Variants in DYM observed in about 807,000 individuals in gnomAD.
DYM encodes the protein dymeclin, also known as dyggve-Melchior-Clausen syndrome protein.
In DYM, 78 loss-of-function variants were observed where a neutral mutation model predicts 93.1. The ratio of observed to expected loss-of-function variants is 0.84; its 90% CI spans 0.70 to 1.01. The LOEUF is 1.01. Among genes scored for constraint, DYM ranks in the 50% least tolerant of loss-of-function variants. The pLI is 0.00. For missense variants in DYM, 789 were observed against 845.0 expected, an observed-to-expected ratio of 0.93 and a Z score of 0.82; for synonymous variants, 321 against 319.7, an observed-to-expected ratio of 1.00 and a Z score of -0.04.
intron 1 of DYM, among the ~76,000 whole-genome samples, chr18:49,441,276 T>TTATATATATATA (rs1568454725): frequency 0.093 from 4,040 of 43,248 alleles, 332 homozygotes; most frequent in South Asian, 0.1. Flanking sequence ...ATAATATATA[T>TTATATATATATA]TATATAATTA....
At chr18:49,309,093 GACAAGAGCATA>G (rs1433877627) in intron 8 of DYM, among the ~76,000 whole-genome samples, 1 of 152,144 alleles carries the variant, frequency 6.6e-6, no homozygotes, top group East Asian at 1.9e-4. Context: ...CGCAGAGCTA[GACAAGAGCATA>G]AAAAAATTCA....
intron 17 of DYM, among the ~76,000 whole-genome samples, chr18:49,066,274 T>C (rs962010857): frequency 1.3e-5 from 2 of 152,164 alleles, no homozygotes; most frequent in Non-Finnish European, 2.9e-5. Context: ...AGGCGCTCCC[T>C]GCTCTTTCTT....
chr18:49,166,974 T>C (rs1024054484), intron 14 of DYM, among the ~76,000 whole-genome samples: 3 of 146,458 alleles, frequency 2.0e-5, no homozygotes, highest in Admixed American at 1.4e-4. Context: ...ACCTGGGATG[T>C]TCATTCTCAC....
chr18:49,127,132 T>C (rs917131661), intron 15 of DYM, among the ~76,000 whole-genome samples: 6 of 152,222 alleles, frequency 3.9e-5, no homozygotes, highest in African/African-American at 9.6e-5. Flanking sequence ...ATTTTCCTCT[T>C]AGTCCTTACA....
At chr18:49,400,878 C>T (rs1466203006) in intron 2 of DYM, among the ~76,000 whole-genome samples, 1 of 152,182 alleles carries the variant, frequency 6.6e-6, no homozygotes, top group African/African-American at 2.4e-5. Flanking sequence ...GGCATCTATG[C>T]ACAATGCTGT....
intron 17 of DYM, among the ~76,000 whole-genome samples, chr18:49,044,808 C>T (rs559274822): frequency 5.3e-5 from 8 of 152,212 alleles, no homozygotes; most frequent in East Asian, 1.9e-4. Context: ...AGAGGGAGCC[C>T]GAGGCTGCTC....
chr18:49,358,756 G>A (rs990405908), intron 6 of DYM, among the ~76,000 whole-genome samples: 6 of 152,064 alleles, frequency 3.9e-5, no homozygotes, highest in African/African-American at 1.5e-4. Flanking sequence ...CCAGAGTGGT[G>A]GCACTAGTGA....
At chr18:49,218,851 G>A (rs1489562853) in intron 13 of DYM, among the ~76,000 whole-genome samples, 29 of 152,064 alleles carry the variant, frequency 1.9e-4, no homozygotes, top group Non-Finnish European at 2.8e-4. Context: ...AAGAACTAGA[G>A]AAGCAAGAGC....
At chr18:49,363,501 T>C (rs1344059983) in intron 5 of DYM, among the ~76,000 whole-genome samples, 1 of 152,228 alleles carries the variant, frequency 6.6e-6, no homozygotes, top group Admixed American at 6.5e-5. Context: ...ACGCCAGTAG[T>C]TGTCAGATTT....
intron 14 of DYM, among the ~76,000 whole-genome samples, chr18:49,201,838 G>A (rs940453456): frequency 2.6e-5 from 4 of 152,122 alleles, no homozygotes; most frequent in African/African-American, 9.7e-5. Context: ...CTTTTTATAT[G>A]TTACTAATTT....
chr18:49,359,370 A>G (rs1260244696), intron 6 of DYM, among the ~76,000 whole-genome samples: 6 of 152,200 alleles, frequency 3.9e-5, no homozygotes, highest in Admixed American at 2.6e-4. Context: ...CTCCTGAAAG[A>G]TGAACAATTT....
At chr18:49,185,873 T>C (rs1260018305) in intron 14 of DYM, among the ~76,000 whole-genome samples, 2 of 152,120 alleles carry the variant, frequency 1.3e-5, no homozygotes, top group African/African-American at 2.4e-5. Context: ...ATATGCACAA[T>C]GCTATGAAAA....
intron 16 of DYM, among the ~76,000 whole-genome samples, chr18:49,101,857 G>C (rs2080179328): frequency 6.6e-6 from 1 of 152,134 alleles, no homozygotes; most frequent in Non-Finnish European, 1.5e-5. Context: ...AGTGTAATTT[G>C]TGAGATAAGA....
At chr18:49,115,879 G>A (rs970624647) in intron 16 of DYM, 19 of 152,214 alleles carry the variant, frequency 1.2e-4, no homozygotes, top group Admixed American at 1.2e-3. Flanking sequence ...GATAGGAAAA[G>A]CAGCATGCCA....
At chr18:49,445,832 T>C (rs924154157) in intron 1 of DYM, among the ~76,000 whole-genome samples, 2 of 152,130 alleles carry the variant, frequency 1.3e-5, no homozygotes, top group South Asian at 4.1e-4. Context: ...ATTAATAATA[T>C]ATCCATGGAA....
chr18:49,128,845 G>A (rs11082734), intron 15 of DYM, among the ~76,000 whole-genome samples: 134,488 of 152,142 alleles, frequency 0.88, 59,724 homozygotes, highest in East Asian at 1. Context: ...AAAAACCTTT[G>A]TAAGTAAAAA....
chr18:49,455,145 C>T (rs2082872916), intron 1 of DYM, among the ~76,000 whole-genome samples: 1 of 152,158 alleles, frequency 6.6e-6, no homozygotes, highest in Non-Finnish European at 1.5e-5. Flanking sequence ...ACATAGTAAC[C>T]GTACAACTGC....
chr18:49,128,314 T>C (rs114354556), intron 15 of DYM, among the ~76,000 whole-genome samples: 2,668 of 152,312 alleles, frequency 0.018, 81 homozygotes, highest in African/African-American at 0.061. Context: ...GAGCTTGGTG[T>C]TCTGTTTTTA....
intron 11 of DYM, among the ~76,000 whole-genome samples, chr18:49,261,677 G>A (rs1251895620): frequency 6.6e-6 from 1 of 152,066 alleles, no homozygotes; most frequent in Non-Finnish European, 1.5e-5. Flanking sequence ...ATATGATAGA[G>A]TATTATACAG....
Sources: allele counts gnomAD v4.1 joint callset (sites outside exome capture counted in the v4.1 genomes callset), GRCh38; gene constraint gnomAD v4.1.1; transcripts MANE v1.5; gene names NCBI Gene and HGNC (gene_info 2026-07-23, HGNC 2026-07-21).